KREMEN1: variants seen among roughly 807,000 people sequenced by gnomAD.
KREMEN1 encodes kringle containing transmembrane protein 1, also known as kremen protein 1.
Under a neutral mutation model 46.5 loss-of-function variants are expected in KREMEN1, and 30 were observed. The observed-to-expected ratio is 0.65, with a 90% confidence interval of 0.48 to 0.88. KREMEN1 has a LOEUF of 0.88. Among genes scored for constraint, KREMEN1 ranks in the 40% least tolerant of loss-of-function variants. The probability of loss-of-function intolerance (pLI) is 0.00; values close to 1 mark genes in which losing one functional copy is unlikely to be tolerated. For synonymous variants in KREMEN1, 214 were observed against 230.6 expected, an observed-to-expected ratio of 0.93 and a Z score of 0.65; for missense variants, 533 against 596.9, an observed-to-expected ratio of 0.89 and a Z score of 1.11.
At position 29,137,640 on chromosome 22, in the gene KREMEN1, C is replaced by G. The variant is rs767601211; in HGVS notation, c.930C>G (p.Ile310Met). 1 of 1,604,466 alleles carries G rather than the reference C, an allele frequency of 6.2e-7. No homozygotes were observed. Among genetic ancestry groups the G allele is most frequent in the Non-Finnish European group, 8.5e-7 (1 of 1,171,938 alleles). ...TCTTGTATTTCTTCTCTGATCGCATCAATCAGGCCCAGGGATTTGCTGTTT... is the reference window on the plus strand; with the variant it reads ...TCTTGTATTTCTTCTCTGATCGCATGAATCAGGCCCAGGGATTTGCTGTTT... ...FVILYFFSDR[I>M]NQAQGFAVLY... The change falls in exon 6 of 9, where the codon ATC becomes ATG. Residue 310 changes from isoleucine (I) to methionine (M), a missense_variant. Transcript: ENST00000400335.
At position 29,080,721 on chromosome 22, in the gene KREMEN1, G is replaced by A. The variant is rs547886123; in HGVS notation, c.97+7494G>A. 9.1e-4 allele frequency among the ~76,000 whole-genome samples: 138 copies of A among 152,288 alleles called. 2 individuals are homozygous for A. The highest frequency in any genetic ancestry group is 3.3e-3 in the Admixed American group (50 of 15,292). ...TTCTAACTCAGTGATTTCAACTGGA[G>A]GAGATTTTGCCCCCAGGGGACATTT... On this transcript the variant is annotated intron_variant, in intron 1 of 8. Transcript: ENST00000400335.
At chr22:29,082,655 G>A (rs919668237) in intron 1 of KREMEN1, among the ~76,000 whole-genome samples, 5 of 152,192 alleles carry the variant, frequency 3.3e-5, no homozygotes, top group Admixed American at 2.6e-4. Context: ...ACAAAGGTGA[G>A]TAAGATGCTC....
intron 9 of KREMEN1, among the ~76,000 whole-genome samples, chr22:29,162,116 CAA>C (rs916172669): frequency 1.3e-4 from 16 of 118,626 alleles, no homozygotes; most frequent in East Asian, 2.4e-4. Flanking sequence ...GACTCTACCT[CAA>C]AAAAAAAAAA....
At chr22:29,155,628 A>G (rs182841258) in intron 9 of KREMEN1, among the ~76,000 whole-genome samples, 1 of 152,308 alleles carries the variant, frequency 6.6e-6, no homozygotes, top group East Asian at 1.9e-4. Flanking sequence ...CATGCATTAC[A>G]TGTGCAAGTT....
exon 10 of KREMEN1, chr22:29,167,437 C>T (rs1022051227): frequency 1.6e-5 from 4 of 256,264 alleles, no homozygotes; most frequent in African/African-American, 6.6e-5. Context: ...GAGGCAGGAC[C>T]GAGAGTGACA....
chr22:29,163,672 C>T (rs1444071926), intron 9 of KREMEN1, among the ~76,000 whole-genome samples: 2 of 152,162 alleles, frequency 1.3e-5, no homozygotes, highest in East Asian at 3.9e-4. Context: ...CCACCACGCC[C>T]GGCCTCAGGC....
intron 9 of KREMEN1, among the ~76,000 whole-genome samples, chr22:29,161,703 A>T (rs1224923591): frequency 6.6e-6 from 1 of 152,078 alleles, no homozygotes; most frequent in African/African-American, 2.4e-5. Flanking sequence ...TGAAGCCAGC[A>T]TCACCCTGAC....
In KREMEN1 at chr22:29,073,158, C is replaced by A. The variant is rs1452035390; in HGVS notation, c.28C>A (p.Leu10Met). The A allele has an allele frequency of 3.5e-6, 4 of 1,149,906 alleles. No homozygotes were observed. In the African/African-American group the frequency reaches 5.0e-5, roughly 14 times the overall value. The allele number at this position is 1,149,906 out of a possible 1,614,324, so 71.2% of individuals were successfully genotyped here. A position where few individuals can be genotyped will look rare whatever the true frequency, so the allele number is the denominator to read the frequency against. MAPPAARLA[L>M]LSAAALTLAA... ...GGCGCCGCCAGCCGCCCGCCTCGCC[C>A]TGCTCTCCGCCGCGGCGCTCACGCT... The change falls in exon 1 of 9, where the codon CTG becomes ATG. Residue 10 changes from leucine to methionine, a missense_variant. By Grantham distance (15) the Leu-to-Met change is conservative. Coordinates refer to ENST00000400335, the MANE Select transcript of KREMEN1 (RefSeq NM_001039570.3). This position sits in a 1 kb window ranked among gnomAD's most constrained non-coding sequence, Gnocchi z 4.4.
chr22:29,112,281 T>C (rs2038164624), intron 3 of KREMEN1, among the ~76,000 whole-genome samples: 1 of 152,064 alleles, frequency 6.6e-6, no homozygotes, highest in South Asian at 2.1e-4. Context: ...GTGGCCCCAG[T>C]GTGAGGCAGC....
chr22:29,165,666 T>C (rs1374070831), intron 9 of KREMEN1, among the ~76,000 whole-genome samples: 1 of 152,198 alleles, frequency 6.6e-6, no homozygotes, highest in Non-Finnish European at 1.5e-5. Flanking sequence ...AACTAAGAAG[T>C]GGCAGGCCTT....
At chr22:29,088,558 G>C (rs2037763930) in intron 1 of KREMEN1, among the ~76,000 whole-genome samples, 1 of 152,136 alleles carries the variant, frequency 6.6e-6, no homozygotes, top group Non-Finnish European at 1.5e-5. Context: ...TCGAACTCTT[G>C]ATATCAAGTG....
At chr22:29,128,885 A>G (rs1311242882) in intron 5 of KREMEN1, among the ~76,000 whole-genome samples, 1 of 152,228 alleles carries the variant, frequency 6.6e-6, no homozygotes, top group African/African-American at 2.4e-5. Context: ...CCTTTTATTA[A>G]CAATAGTAAA....
chr22:29,095,648 G>A (rs2037872687), intron 2 of KREMEN1, among the ~76,000 whole-genome samples: 2 of 152,160 alleles, frequency 1.3e-5, no homozygotes, highest in Admixed American at 1.3e-4. Context: ...ACGCAGCTGA[G>A]CCAACATATA....
chr22:29,151,943 G>A (rs2038918027), intron 9 of KREMEN1, among the ~76,000 whole-genome samples: 1 of 151,484 alleles, frequency 6.6e-6, no homozygotes, highest in East Asian at 1.9e-4. Flanking sequence ...CGGGGAGGTG[G>A]AGGTTGCCGT....
chr22:29,149,518 C>T (rs550069375), downstream of KREMEN1, among the ~76,000 whole-genome samples: 1 of 152,172 alleles, frequency 6.6e-6, no homozygotes, highest in Non-Finnish European at 1.5e-5. Context: ...CTGGGCTTTC[C>T]TTCTCTCTCC....
At position 29,144,716 on chromosome 22, in the gene KREMEN1, G is replaced by A. The variant is rs530029817; in HGVS notation, c.*2604G>A. 3.4e-5 allele frequency: 34 copies of A among 985,506 alleles called. No individual in the cohort carries two copies. The highest frequency in any genetic ancestry group is 5.2e-4 in the Middle Eastern group (1 of 1,914). The allele number at this position is 985,506 out of a possible 1,614,324, so 61.0% of individuals were successfully genotyped here. On this transcript the variant is annotated 3_prime_UTR_variant, in exon 9 of 9. Coordinates refer to ENST00000400335, the MANE Select transcript of KREMEN1 (RefSeq NM_001039570.3). ...ACGTGGCCCCAGGAAGAGTTCACCC[G>A]GCCAGGGGGCAGTTGTTCAGTTGCC...
At chr22:29,094,797 G>A (rs1003676336) in intron 2 of KREMEN1, among the ~76,000 whole-genome samples, 2 of 151,828 alleles carry the variant, frequency 1.3e-5, no homozygotes, top group Non-Finnish European at 2.9e-5. Context: ...CTAATTTTTC[G>A]TGTTTTTAGT....
In KREMEN1 at chr22:29,141,951, C is replaced by A; in HGVS notation, c.1216C>A (p.Arg406Ser). The A allele has an allele frequency of 6.3e-7, 1 of 1,597,026 alleles. No individual in the cohort carries two copies. The highest frequency in any genetic ancestry group is 8.5e-7 in the Non-Finnish European group (1 of 1,173,812). Reference protein sequence around the residue: ...ILLHVTFKSHRVPASGDLRDC... With the variant: ...ILLHVTFKSHSVPASGDLRDC... ...TATTTATCTGCTTGACAGATCCCAT[C>A]GTGTTCCTGCTTCAGGGGACCTTAG... The change falls in exon 9 of 9, where the codon CGT becomes AGT. Residue 406 changes from arginine to serine, a missense_variant. Transcript: ENST00000400335.
In KREMEN1 at chr22:29,145,254, G is replaced by A. The variant is rs1033382130; in HGVS notation, c.*3142G>A. ...GGAAACTCCTTAGATGAGATAAAGT[G>A]GGGGTTGGAGGTGGCGAAAAGAGGG... On this transcript the variant is annotated 3_prime_UTR_variant, in exon 9 of 9. Coordinates refer to ENST00000400335, the MANE Select transcript of KREMEN1 (RefSeq NM_001039570.3). 2.0e-6 allele frequency: 2 copies of A among 985,470 alleles called. No individual in the cohort carries two copies. Among genetic ancestry groups the A allele is most frequent in the Non-Finnish European group, 2.4e-6 (2 of 829,998 alleles). 61.0% of individuals were successfully genotyped at this position (985,470 alleles called of 1,614,324 possible).
Sources: gnomAD v4.1 joint callset for allele counts (sites outside exome capture counted in the v4.1 genomes callset) on GRCh38, gnomAD v4.1.1 for gene constraint, Gnocchi (gnomAD v3.1) non-coding constraint, MANE v1.5 for transcripts, NCBI Gene and HGNC (gene_info 2026-07-23, HGNC 2026-07-21) for gene names.